Variants in ANKFN1 observed in about 807,000 individuals in gnomAD.
The protein encoded by ANKFN1 is ankyrin repeat and fibronectin type III domain containing 1.
ANKFN1 carries 74 observed loss-of-function variants against 108.7 expected under a neutral mutation model. The ratio of observed to expected loss-of-function variants is 0.68; its 90% CI spans 0.56 to 0.83. The LOEUF is 0.83. ANKFN1 is among the 40% of genes least tolerant of loss of function. The pLI is 0.00. For missense variants in ANKFN1, 1,505 were observed against 1,382.3 expected, an observed-to-expected ratio of 1.09 and a Z score of -1.41; for synonymous variants, 547 against 516.2, an observed-to-expected ratio of 1.06 and a Z score of -0.81.
chr17:56,229,661 CAAAAAAAAAA>C (rs58714064), intron 3 of ANKFN1, among the ~76,000 whole-genome samples: 5 of 40,186 alleles, frequency 1.2e-4, no homozygotes, highest in South Asian at 1.5e-3. Context: ...TTTCAGATTG[CAAAAAAAAAA>C]AAAAAAAAAA....
intron 3 of ANKFN1, among the ~76,000 whole-genome samples, chr17:56,321,546 TCTAA>T (rs949985196): frequency 5.3e-5 from 8 of 152,022 alleles, no homozygotes; most frequent in Non-Finnish European, 8.8e-5. Flanking sequence ...TAAATTTATG[TCTAA>T]CAAACAAACC....
chr17:56,478,180 G>C (rs1177621554), intron 16 of ANKFN1, among the ~76,000 whole-genome samples: 3 of 152,264 alleles, frequency 2.0e-5, no homozygotes, highest in South Asian at 2.1e-4. Flanking sequence ...GTTGGTGGAA[G>C]GCATGAGCCC....
chr17:56,127,252 G>T lies in ANKFN1; in HGVS notation c.288+80927G>T, dbSNP rs945528893. 3.9e-5 allele frequency among the ~76,000 whole-genome samples: 6 copies of T among 152,236 alleles called. No homozygotes were observed. In the East Asian group the frequency reaches 1.2e-3, roughly 29 times the overall value. ...CTAAATATATTGTCCTCATATGTAG[G>T]AGAGGCGGGATTTGAACCTAGGTCT... On this transcript the variant is annotated intron_variant, in intron 4 of 12. Coordinates refer to the ANKFN1 transcript ENST00000635860.
At chr17:56,088,156 T>C (rs1043770651) in intron 4 of ANKFN1, among the ~76,000 whole-genome samples, 7 of 151,340 alleles carry the variant, frequency 4.6e-5, no homozygotes, top group Non-Finnish European at 1.0e-4. Context: ...CCTTCAGTTA[T>C]TAAAAGTCTC....
intron 3 of ANKFN1, among the ~76,000 whole-genome samples, chr17:56,246,904 A>G (rs1207256920): frequency 6.6e-6 from 1 of 152,152 alleles, no homozygotes; most frequent in African/African-American, 2.4e-5. Flanking sequence ...CTTCCCTTTT[A>G]TGTACAAGCT....
chr17:56,444,545 G>T (rs1298682698), intron 10 of ANKFN1, among the ~76,000 whole-genome samples: 1 of 152,060 alleles, frequency 6.6e-6, no homozygotes, highest in Non-Finnish European at 1.5e-5. Flanking sequence ...TTTCTGTCTT[G>T]TAACTAGGCA....
intron 3 of ANKFN1, among the ~76,000 whole-genome samples, chr17:56,298,977 C>G (rs1051341066): frequency 1.3e-5 from 2 of 152,172 alleles, no homozygotes; most frequent in African/African-American, 4.8e-5. Flanking sequence ...TAGACTGGAA[C>G]AGTCTTGGAA....
Position 56,394,753 on chromosome 17 carries a change from C to T in ANKFN1, c.910+20039C>T, listed in dbSNP as rs546595531. 3.9e-5 allele frequency among the ~76,000 whole-genome samples: 6 copies of T among 152,324 alleles called. No individual in the cohort carries two copies. The South Asian group carries it at 1.0e-3, about 26-fold the overall frequency. ...GTGTCTGTGACTACCCAACTGGACACGCAGCTGGCACTGGAGATGATAAGC... is the reference window on the plus strand; with the variant it reads ...GTGTCTGTGACTACCCAACTGGACATGCAGCTGGCACTGGAGATGATAAGC... On this transcript the variant is annotated intron_variant, in intron 8 of 20. Transcript: ENST00000682825.
intron 4 of ANKFN1, among the ~76,000 whole-genome samples, chr17:56,061,594 G>A (rs1245421994): frequency 2.0e-5 from 3 of 151,968 alleles, no homozygotes; most frequent in Non-Finnish European, 4.4e-5. Flanking sequence ...TTTCTATGGG[G>A]TCAGTGGTGA....
At chr17:56,256,440 A>G (rs1413460602) in intron 3 of ANKFN1, among the ~76,000 whole-genome samples, 1 of 152,086 alleles carries the variant, frequency 6.6e-6, no homozygotes, top group Non-Finnish European at 1.5e-5. Flanking sequence ...TTGCTTTTTC[A>G]TGGTGGAGAA....
chr17:56,480,830 T>C lies in ANKFN1; in HGVS notation c.2091+12T>C. The C allele has an allele frequency of 6.2e-7, 1 of 1,610,832 alleles. No individual in the cohort carries two copies. Among genetic ancestry groups the C allele is most frequent in the South Asian group, 1.1e-5 (1 of 90,828 alleles). On this transcript the variant is annotated intron_variant, in intron 17 of 20. Transcript: ENST00000682825. ...TACCTCTACACCAGGTACTAGACTT[T>C]ACCATTTTTATCTTCTTTTTTTATG...
chr17:56,348,648 A>G (rs2144658827), intron 4 of ANKFN1, among the ~76,000 whole-genome samples: 1 of 152,298 alleles, frequency 6.6e-6, no homozygotes, highest in Admixed American at 6.5e-5. Context: ...AACATGCAAA[A>G]AAGCTCAACA....
chr17:56,315,634 A>G (rs2045182096), intron 3 of ANKFN1, among the ~76,000 whole-genome samples: 1 of 152,186 alleles, frequency 6.6e-6, no homozygotes, highest in Non-Finnish European at 1.5e-5. Context: ...TTCACAATGC[A>G]GAAGAATGAC....
At chr17:56,378,922 A>G (rs1375992198) in intron 8 of ANKFN1, among the ~76,000 whole-genome samples, 4 of 152,164 alleles carry the variant, frequency 2.6e-5, no homozygotes, top group Non-Finnish European at 4.4e-5. Context: ...ACTTTCATTC[A>G]CTAGTTGCTG....
At chr17:56,193,375 A>T (rs1442973831) in intron 1 of ANKFN1, among the ~76,000 whole-genome samples, 1 of 151,086 alleles carries the variant, frequency 6.6e-6, no homozygotes, top group Non-Finnish European at 1.5e-5. Context: ...CACAATGTGC[A>T]CATGTACCCT....
At chr17:56,055,686 T>C (rs1375372674) in intron 4 of ANKFN1, among the ~76,000 whole-genome samples, 1 of 148,968 alleles carries the variant, frequency 6.7e-6, no homozygotes, top group Non-Finnish European at 1.5e-5. Flanking sequence ...GCAATGAACA[T>C]ATGAGTACAG....
chr17:56,122,882 G>T (rs1166900535), intron 4 of ANKFN1, among the ~76,000 whole-genome samples: 3 of 152,150 alleles, frequency 2.0e-5, no homozygotes, highest in Non-Finnish European at 4.4e-5. Context: ...GGCACCACTT[G>T]GCTTCCATTT....
intron 3 of ANKFN1, among the ~76,000 whole-genome samples, chr17:56,241,117 A>G (rs1320740385): frequency 6.6e-6 from 1 of 152,064 alleles, no homozygotes; most frequent in Non-Finnish European, 1.5e-5. Flanking sequence ...TAAGTTTTAA[A>G]GTTTTGATTT....
intron 4 of ANKFN1, among the ~76,000 whole-genome samples, chr17:56,128,998 A>G (rs568728048): frequency 6.6e-6 from 1 of 152,352 alleles, no homozygotes; most frequent in South Asian, 2.1e-4. Context: ...TATACTACAT[A>G]TAAATATACA....
Sources: gnomAD v4.1 joint callset for allele counts (sites outside exome capture counted in the v4.1 genomes callset) on GRCh38, gnomAD v4.1.1 for gene constraint, MANE v1.5 for transcripts, NCBI Gene and HGNC (gene_info 2026-07-23, HGNC 2026-07-21) for gene names.